The following ERBB4 variants were observed in gnomAD, a reference collection of about 807,000 sequenced individuals.
ERBB4 encodes erb-b2 receptor tyrosine kinase 4, also known as receptor tyrosine-protein kinase erbB-4.
Under a neutral mutation model 158.0 loss-of-function variants are expected in ERBB4, and 42 were observed. The ratio of observed to expected loss-of-function variants is 0.27; its 90% CI spans 0.21 to 0.34. ERBB4 has a LOEUF of 0.34. ERBB4 is among the 10% of genes least tolerant of loss of function. The probability of loss-of-function intolerance (pLI) is 1.00; values close to 1 mark genes in which losing one functional copy is unlikely to be tolerated. For missense variants in ERBB4, 1,333 were observed against 1,624.1 expected, an observed-to-expected ratio of 0.82 and a Z score of 3.08; for synonymous variants, 583 against 558.7, an observed-to-expected ratio of 1.04 and a Z score of -0.61.
intron 25 of ERBB4, among the ~76,000 whole-genome samples, chr2:211,409,287 C>T (rs1049749855): frequency 2.6e-5 from 4 of 151,928 alleles, no homozygotes; most frequent in Admixed American, 2.0e-4. Context: ...TCATTTTTGC[C>T]TTTGTAAAAT....
At chr2:211,715,421 G>A (rs139591416) in intron 7 of ERBB4, among the ~76,000 whole-genome samples, 8 of 152,228 alleles carry the variant, frequency 5.3e-5, no homozygotes, top group Admixed American at 2.6e-4. Flanking sequence ...TCTATCTCAG[G>A]GGAACCCAAC....
rs868223064 is a variant in ERBB4 at position 212,159,257 on chromosome 2, T to C, written c.83-34354A>G. ...TTTTAAGGTAGTAAACCGTGGTGTG[T>C]GTTTTTGTTTTTTTTTTTTTTTTGG... On this transcript the variant is annotated intron_variant, in intron 1 of 27. Transcript: ENST00000342788. Among the ~76,000 whole-genome samples, 11 of 111,834 alleles carry C rather than the reference T, an allele frequency of 9.8e-5. No individual in the cohort carries two copies. In the South Asian group the frequency reaches 3.2e-3, roughly 32 times the overall value. 73.4% of individuals were successfully genotyped at this position (111,834 alleles called of 152,430 possible). A position where few individuals can be genotyped will look rare whatever the true frequency, so the allele number is the denominator to read the frequency against.
rs1440845256 is a variant in ERBB4 at position 211,765,098 on chromosome 2, C to T, written c.557-14394G>A. Among the ~76,000 whole-genome samples the T allele has an allele frequency of 3.3e-5, 5 of 152,062 alleles. No homozygotes were observed. In the East Asian group the frequency reaches 9.6e-4, roughly 29 times the overall value. On this transcript the variant is annotated intron_variant, in intron 4 of 27. Transcript: ENST00000342788. ...TGCCCCTCCCCATCTCACTCCCTCG[C>T]CTCACAATATTTTAATCTATTATTC...
chr2:211,456,423 C>T (rs535704660), intron 20 of ERBB4, among the ~76,000 whole-genome samples: 120 of 152,106 alleles, frequency 7.9e-4, no homozygotes, highest in East Asian at 3.5e-3. Context: ...TGCAAATTTT[C>T]GAAACATAAT....
intron 20 of ERBB4, among the ~76,000 whole-genome samples, chr2:211,539,664 T>C (rs1187084534): frequency 6.6e-6 from 1 of 151,998 alleles, no homozygotes; most frequent in Non-Finnish European, 1.5e-5. Flanking sequence ...AAGGATTAAG[T>C]GACTCCTTAT....
chr2:212,012,571 T>G (rs1340314717), intron 2 of ERBB4, among the ~76,000 whole-genome samples: 1 of 151,894 alleles, frequency 6.6e-6, no homozygotes, highest in Admixed American at 6.6e-5. Flanking sequence ...CTTGCCGCCA[T>G]GTCCAGCCAA....
In ERBB4 at chr2:212,355,438, T is replaced by TA. The variant is rs143670465; in HGVS notation, c.82+183010dup. Reference sequence around the variant, plus strand: ...ATAAAAGGGTCTTGATCTACAAACCTACTGAAGTCTTTAAATAGTCATTGT... The same window carrying TA: ...ATAAAAGGGTCTTGATCTACAAACCTAACTGAAGTCTTTAAATAGTCATTGT... On this transcript the variant is annotated intron_variant, in intron 1 of 27. Transcript: ENST00000342788. Among the ~76,000 whole-genome samples, 492 of 152,162 alleles carry TA rather than the reference T, an allele frequency of 3.2e-3. 1 individual carries two copies. The highest frequency in any genetic ancestry group is 0.011 in the African/African-American group (462 of 41,540).
At chr2:212,195,317 A>G (rs573554061) in intron 1 of ERBB4, among the ~76,000 whole-genome samples, 3 of 152,130 alleles carry the variant, frequency 2.0e-5, no homozygotes. Flanking sequence ...ACAATTACTC[A>G]AGGTGTTACT....
chr2:211,396,081 G>A (rs1246521698), intron 25 of ERBB4, among the ~76,000 whole-genome samples: 1 of 151,792 alleles, frequency 6.6e-6, no homozygotes, highest in Non-Finnish European at 1.5e-5. Flanking sequence ...GAAATGTAAT[G>A]TCTTTGCCTA....
intron 25 of ERBB4, among the ~76,000 whole-genome samples, chr2:211,414,196 T>C (rs1280288547): frequency 6.6e-6 from 1 of 152,086 alleles, no homozygotes. Context: ...ATGAAATGTT[T>C]CTTAGAAGAA....
chr2:212,342,096 A>G (rs952740438), intron 1 of ERBB4, among the ~76,000 whole-genome samples: 1 of 152,298 alleles, frequency 6.6e-6, no homozygotes, highest in African/African-American at 2.4e-5. Context: ...TCATCTCTAC[A>G]AAAAGTAAAA....
intron 20 of ERBB4, among the ~76,000 whole-genome samples, chr2:211,548,242 T>A (rs1488100446): frequency 6.6e-6 from 1 of 151,822 alleles, no homozygotes; most frequent in African/African-American, 2.4e-5. Flanking sequence ...ATGATTCAAA[T>A]TCAACCAGGT....
At position 212,003,215 on chromosome 2, in the gene ERBB4, A is replaced by AAGAAAGACAGAC. The variant is rs1559294215; in HGVS notation, c.235-55600_235-55599insGTCTGTCTTTCT. On this transcript the variant is annotated intron_variant, in intron 2 of 27. Coordinates refer to ENST00000342788, the MANE Select transcript of ERBB4 (RefSeq NM_005235.3). ...AAAGAAAGAAAGAAAGACAGAAAGA[A>AAGAAAGACAGAC]GGAAGGAAGGAAGGAAGGAAGGAAG... 9.7e-4 allele frequency among the ~76,000 whole-genome samples: 46 copies of AAGAAAGACAGAC among 47,310 alleles called. 1 individual carries two copies. The highest frequency in any genetic ancestry group is 2.4e-3 in the African/African-American group (45 of 18,712). 31.0% of individuals were successfully genotyped at this position (47,310 alleles called of 152,430 possible).
chr2:211,476,274 G>A (rs555864246), intron 20 of ERBB4, among the ~76,000 whole-genome samples: 28 of 152,202 alleles, frequency 1.8e-4, no homozygotes, highest in African/African-American at 5.5e-4. Context: ...TTGTGGGAGT[G>A]ATGAATACAA....
intron 17 of ERBB4, among the ~76,000 whole-genome samples, chr2:211,629,942 AC>A (rs1364494515): frequency 1.6e-4 from 24 of 152,142 alleles, no homozygotes; most frequent in African/African-American, 5.6e-4. Context: ...ACCATAAAAA[AC>A]CTAGAAGAAA....
Position 211,676,251 on chromosome 2 carries a change from C to T in ERBB4, c.1622+2801G>A, listed in dbSNP as rs138909111. ...AATTGCACCAGTCTTTTACAAGATA[C>T]GTAAGTTGATCATCTTTCAAACTAG... On this transcript the variant is annotated intron_variant, in intron 13 of 27. Coordinates refer to ENST00000342788, the MANE Select transcript of ERBB4 (RefSeq NM_005235.3). Among the ~76,000 whole-genome samples, 19 of 152,230 alleles carry T rather than the reference C, an allele frequency of 1.2e-4. No individual in the cohort carries two copies. The East Asian group carries it at 1.5e-3, about 12-fold the overall frequency.
intron 3 of ERBB4, among the ~76,000 whole-genome samples, chr2:211,861,124 T>TTATATATATATATTTTTTATATATA (rs1229268256): frequency 9.9e-5 from 2 of 20,258 alleles, no homozygotes; most frequent in Non-Finnish European, 1.6e-4. Context: ...TATATATATT[T>TTATATATATATATTTTTTATATATA]TATATATATA....
chr2:212,526,859 A>G (rs1006693978), intron 1 of ERBB4, among the ~76,000 whole-genome samples: 1 of 152,080 alleles, frequency 6.6e-6, no homozygotes, highest in Admixed American at 6.6e-5. Flanking sequence ...CTGCTTTGCT[A>G]GTTGCACAGC....
intron 2 of ERBB4, among the ~76,000 whole-genome samples, chr2:211,967,133 C>A (rs2125191053): frequency 6.6e-6 from 1 of 152,134 alleles, no homozygotes; most frequent in Admixed American, 6.5e-5. Flanking sequence ...TACACAGAAA[C>A]AATTGCTCAA....
Sources: allele counts gnomAD v4.1 joint callset (sites outside exome capture counted in the v4.1 genomes callset), GRCh38; gene constraint gnomAD v4.1.1; transcripts MANE v1.5; gene names NCBI Gene and HGNC (gene_info 2026-07-23, HGNC 2026-07-21).